PDZD8: variants seen among roughly 807,000 people sequenced by gnomAD.
PDZD8 encodes PDZ domain containing 8.
In PDZD8, 14 loss-of-function variants were observed where a neutral mutation model predicts 85.8. That is an observed-to-expected ratio of 0.16 (90% CI 0.11 to 0.26). The LOEUF (loss-of-function observed/expected upper bound fraction) is 0.26, where lower values mean the gene tolerates loss of function less well. Among genes scored for constraint, PDZD8 ranks in the 10% least tolerant of loss-of-function variants. PDZD8 has a pLI of 1.00. For synonymous variants in PDZD8, 592 were observed against 568.6 expected (o/e 1.04, Z -0.59); for missense variants, 1,197 against 1,424.3 (o/e 0.84, Z 2.57).
chr10:117,290,191 A>T lies in PDZD8; in HGVS notation c.1256T>A (p.Ile419Asn). The T allele has an allele frequency of 6.2e-7, 1 of 1,613,022 alleles. No homozygotes were observed. Among genetic ancestry groups the T allele is most frequent in the Non-Finnish European group, 8.5e-7 (1 of 1,179,604 alleles). Residue 419 changes from isoleucine (I) to asparagine (N), a missense_variant, in exon 4 of 5, where the codon ATT becomes AAT. By Grantham distance (149) the Ile-to-Asn change is moderately radical (BLOSUM62 -3). This residue lies in a region of PDZD8 where 344 missense variants were observed against 453.6 expected (regional missense o/e 0.76). Coordinates refer to ENST00000334464, the MANE Select transcript of PDZD8 (RefSeq NM_173791.5). ...ATGCATATTAGCATAATTACCTCCA[A>T]TGGCGATAAGTCGATCTCCCCGCTG... ...DLQRGDRLIA[I>N]GGVKITSTLQ...
Position 117,364,181 on chromosome 10 carries a change from GGTGTGT to G in PDZD8, c.872+10169_872+10174del, listed in dbSNP as rs71938439. ...GAGACCACAATCAACATAATTTATG[GGTGTGT>G]GTGTGTGTGTGTGTGTGTGTGAGAG... On this transcript the variant is annotated intron_variant, in intron 1 of 4. Coordinates refer to ENST00000334464, the MANE Select transcript of PDZD8 (RefSeq NM_173791.5). 3.8e-3 allele frequency among the ~76,000 whole-genome samples: 566 copies of G among 149,074 alleles called. 3 individuals carry two copies. Among genetic ancestry groups the G allele is most frequent in the African/African-American group, 0.013 (518 of 40,578 alleles).
chr10:117,285,664 T>A, intron 4 of PDZD8, 193 bp from the exon 5 acceptor site: 1 of 1,190,608 alleles, frequency 8.4e-7, no homozygotes, highest in Non-Finnish European at 1.1e-6. Flanking sequence ...TCTCAAACCC[T>A]GAATGTGCTG....
chr10:117,292,690 A>C (rs1589545672), intron 3 of PDZD8, among the ~76,000 whole-genome samples: 1 of 151,730 alleles, frequency 6.6e-6, no homozygotes, highest in East Asian at 1.9e-4. Context: ...TTAGTTTCTT[A>C]ATTTATTTTC....
At chr10:117,365,341 T>A (rs538851475) in intron 1 of PDZD8, among the ~76,000 whole-genome samples, 3 of 152,168 alleles carry the variant, frequency 2.0e-5, no homozygotes, top group African/African-American at 4.8e-5. Context: ...GTAAGTTTTT[T>A]AAAAAAAGAT....
chr10:117,347,784 C>A (rs79648444), intron 1 of PDZD8, among the ~76,000 whole-genome samples: 1,592 of 152,112 alleles, frequency 0.01, 23 homozygotes, highest in African/African-American at 0.036. Flanking sequence ...AGAAAAGAGA[C>A]AAGGGAGTAG....
At chr10:117,318,051 G>C (rs1055023674) in intron 3 of PDZD8, among the ~76,000 whole-genome samples, 1 of 149,640 alleles carries the variant, frequency 6.7e-6, no homozygotes, top group Non-Finnish European at 1.5e-5. Flanking sequence ...CAATTTAAAA[G>C]TCAAAGGAAT....
At chr10:117,313,062 A>C (rs1344315249) in intron 3 of PDZD8, among the ~76,000 whole-genome samples, 1 of 152,200 alleles carries the variant, frequency 6.6e-6, no homozygotes, top group Non-Finnish European at 1.5e-5. Context: ...TATTTCTTAC[A>C]TACTTGTCCT....
intron 1 of PDZD8, among the ~76,000 whole-genome samples, chr10:117,354,175 A>G (rs1451946872): frequency 1.3e-5 from 2 of 152,118 alleles, no homozygotes. Context: ...TTAGGTTTTC[A>G]TTGATTGCGG....
At chr10:117,358,019 G>A (rs867440853) in intron 1 of PDZD8, among the ~76,000 whole-genome samples, 30 of 152,096 alleles carry the variant, frequency 2.0e-4, no homozygotes, top group Admixed American at 1.2e-3. Context: ...AGGATTGGCC[G>A]TGAGTTGACA....
At chr10:117,329,603 G>C (rs1204226156) in intron 2 of PDZD8, among the ~76,000 whole-genome samples, 1 of 152,042 alleles carries the variant, frequency 6.6e-6, no homozygotes, top group Non-Finnish European at 1.5e-5. Flanking sequence ...ATGAGAAAAG[G>C]AAAGTAATTC....
intron 1 of PDZD8, among the ~76,000 whole-genome samples, chr10:117,359,110 G>C (rs373418594): frequency 1.3e-5 from 2 of 152,068 alleles, no homozygotes; most frequent in African/African-American, 4.8e-5. Flanking sequence ...TTAAGTGCAA[G>C]AGAACAAATT....
intron 1 of PDZD8, among the ~76,000 whole-genome samples, chr10:117,349,477 TA>T (rs1844765985): frequency 6.6e-6 from 1 of 152,166 alleles, no homozygotes; most frequent in Admixed American, 6.5e-5. Flanking sequence ...CAAGGAAGAC[TA>T]ACTATGAACA....
intron 2 of PDZD8, among the ~76,000 whole-genome samples, chr10:117,327,423 A>G (rs1174952304): frequency 6.6e-6 from 1 of 152,268 alleles, no homozygotes; most frequent in African/African-American, 2.4e-5. Context: ...ATAGATGCCA[A>G]CAGACTAGTT....
chr10:117,326,505 T>C (rs1844318242), intron 2 of PDZD8, among the ~76,000 whole-genome samples: 1 of 152,218 alleles, frequency 6.6e-6, no homozygotes, highest in Non-Finnish European at 1.5e-5. Context: ...CCTCTTTTGC[T>C]TGGCGCAGGA....
intron 3 of PDZD8, among the ~76,000 whole-genome samples, chr10:117,315,279 C>T (rs1031013575): frequency 1.3e-5 from 2 of 151,994 alleles, no homozygotes; most frequent in Non-Finnish European, 2.9e-5. Flanking sequence ...GGAAAGAGAA[C>T]AAAACTTTTA....
At chr10:117,328,370 T>TC (rs1185629119) in intron 2 of PDZD8, among the ~76,000 whole-genome samples, 12 of 151,924 alleles carry the variant, frequency 7.9e-5, no homozygotes, top group Admixed American at 3.3e-4. Flanking sequence ...TATTCCCCCC[T>TC]CCCCTGCATT....
In PDZD8 at chr10:117,279,133, T is replaced by C. The variant is rs902138048; in HGVS notation, c.*4135A>G. On this transcript the variant is annotated 3_prime_UTR_variant, in exon 5 of 5. Coordinates refer to ENST00000334464, the MANE Select transcript of PDZD8 (RefSeq NM_173791.5). ...AAAATATAAATAAAACCTTCAGAAC[T>C]GTTTTGGAGCAAAAGATAGCTTGTA... 1 of 152,240 alleles carries C rather than the reference T, an allele frequency of 6.6e-6. No individual in the cohort carries two copies. The highest frequency in any genetic ancestry group is 1.5e-5 in the Non-Finnish European group (1 of 68,046). 9.4% of individuals were successfully genotyped at this position (152,240 alleles called of 1,614,324 possible). A position where few individuals can be genotyped will look rare whatever the true frequency, so the allele number is the denominator to read the frequency against.
rs759716233 is a variant in PDZD8 at position 117,318,857 on chromosome 10, G to C, written c.1098+15C>G. ...GAACTTTATATAGATATAAATCACT[G>C]TAAATCCATTTTACCGTCTTAATAG... is the stretch of plus-strand genomic sequence containing the variant. On this transcript the variant is annotated intron_variant, in intron 3 of 4. Transcript: ENST00000334464. The C allele has an allele frequency of 3.0e-5, 46 of 1,516,870 alleles. No homozygotes were observed. The East Asian group carries it at 1.0e-3, about 33-fold the overall frequency. The allele number at this position is 1,516,870 out of a possible 1,614,324, so 94.0% of individuals were successfully genotyped here.
At chr10:117,367,886 C>T (rs919133329) in intron 1 of PDZD8, among the ~76,000 whole-genome samples, 2 of 152,008 alleles carry the variant, frequency 1.3e-5, no homozygotes, top group African/African-American at 4.8e-5. Flanking sequence ...TGCACCTGCA[C>T]TCCAGCCTGG....
Sources: allele counts gnomAD v4.1 joint callset (sites outside exome capture counted in the v4.1 genomes callset), GRCh38; gene constraint gnomAD v4.1.1; regional missense constraint gnomAD v4.1.1; transcripts MANE v1.5; gene names NCBI Gene and HGNC (gene_info 2026-07-23, HGNC 2026-07-21).